MRPS28: variants seen among roughly 807,000 people sequenced by gnomAD.
MRPS28 encodes the protein small ribosomal subunit protein bS1m.
Under a neutral mutation model 10.8 loss-of-function variants are expected in MRPS28, and 7 were observed. That is an observed-to-expected ratio of 0.65 (90% confidence interval 0.37 to 1.22). MRPS28 has a LOEUF of 1.22. MRPS28 is among the 50% of genes most tolerant of loss of function. The probability of loss-of-function intolerance (pLI) is 0.02; values close to 1 mark genes in which losing one functional copy is unlikely to be tolerated. For missense variants in MRPS28, 265 were observed against 232.9 expected (o/e 1.14, Z -0.90); for synonymous variants, 121 against 93.3 (o/e 1.30, Z -1.71).
chr8:80,006,257 T>TA (rs1357766182), intron 1 of MRPS28, among the ~76,000 whole-genome samples: 1 of 152,064 alleles, frequency 6.6e-6, no homozygotes, highest in East Asian at 1.9e-4. Context: ...TCAGCAAATG[T>TA]AAAAAAGAAA....
At chr8:80,018,295 C>CAAAAAAA (rs55883340) in intron 1 of MRPS28, among the ~76,000 whole-genome samples, 1 of 53,062 alleles carries the variant, frequency 1.9e-5, no homozygotes, top group African/African-American at 8.1e-5. Flanking sequence ...TACTCTGTCT[C>CAAAAAAA]AAAAAAAAAA....
At chr8:79,953,888 G>C (rs185090062) in intron 2 of MRPS28, among the ~76,000 whole-genome samples, 48 of 152,290 alleles carry the variant, frequency 3.2e-4, no homozygotes, top group African/African-American at 1.0e-3. Flanking sequence ...AAATTTTTCT[G>C]TGTGTATGCA....
intron 2 of MRPS28, among the ~76,000 whole-genome samples, chr8:79,989,734 A>G (rs149490514): frequency 6.8e-4 from 103 of 152,282 alleles, no homozygotes; most frequent in Admixed American, 1.8e-3. Flanking sequence ...GTTTTTGCTG[A>G]TAAAGGCAGA....
intron 2 of MRPS28, among the ~76,000 whole-genome samples, chr8:79,973,660 T>A (rs1339811170): frequency 6.6e-6 from 1 of 152,008 alleles, no homozygotes; most frequent in Non-Finnish European, 1.5e-5. Context: ...AACTAGTAAG[T>A]GTAAAGTCGA....
At chr8:79,948,754 T>C (rs1484122736) in intron 2 of MRPS28, among the ~76,000 whole-genome samples, 1 of 152,218 alleles carries the variant, frequency 6.6e-6, no homozygotes, top group Non-Finnish European at 1.5e-5. Flanking sequence ...ATTAATATGA[T>C]GAATTACACT....
intron 2 of MRPS28, among the ~76,000 whole-genome samples, chr8:79,998,236 TG>T (rs908076056): frequency 5.3e-5 from 8 of 152,318 alleles, no homozygotes; most frequent in African/African-American, 1.9e-4. Context: ...TGATGTCAAT[TG>T]ATTTGACAAA....
At chr8:79,970,319 C>T (rs2130036056) in intron 2 of MRPS28, among the ~76,000 whole-genome samples, 1 of 152,184 alleles carries the variant, frequency 6.6e-6, no homozygotes. Context: ...TCCAGGGCCC[C>T]AAGACCCCAA....
chr8:79,985,931 C>T (rs1231932504), intron 2 of MRPS28, among the ~76,000 whole-genome samples: 1 of 152,074 alleles, frequency 6.6e-6, no homozygotes, highest in East Asian at 1.9e-4. Context: ...TTTTATGAGG[C>T]CAGCATCATC....
intron 1 of MRPS28, among the ~76,000 whole-genome samples, chr8:80,024,484 T>G (rs1171664706): frequency 2.6e-5 from 4 of 152,166 alleles, no homozygotes; most frequent in African/African-American, 4.8e-5. Flanking sequence ...TGCTCTTGAT[T>G]AAATTCCTGG....
intron 2 of MRPS28, among the ~76,000 whole-genome samples, chr8:79,987,718 C>A (rs1296107648): frequency 2.0e-5 from 3 of 152,170 alleles, no homozygotes; most frequent in Non-Finnish European, 4.4e-5. Flanking sequence ...TAATCAAAAC[C>A]ACAATGAGAT....
At chr8:79,946,116 A>G (rs555271173) in intron 2 of MRPS28, among the ~76,000 whole-genome samples, 20 of 152,308 alleles carry the variant, frequency 1.3e-4, no homozygotes, top group African/African-American at 4.6e-4. Flanking sequence ...AATGCTCCAT[A>G]TAAAATACCA....
intron 2 of MRPS28, among the ~76,000 whole-genome samples, chr8:79,974,310 G>A (rs1375186846): frequency 1.3e-5 from 2 of 152,060 alleles, no homozygotes; most frequent in African/African-American, 4.8e-5. Context: ...GGAGGCCGAG[G>A]TGGATGGATC....
At chr8:79,948,987 T>C (rs1255173879) in intron 2 of MRPS28, among the ~76,000 whole-genome samples, 4 of 152,322 alleles carry the variant, frequency 2.6e-5, no homozygotes, top group African/African-American at 4.8e-5. Flanking sequence ...TATGAGTCAA[T>C]AAAGAGTGGG....
intron 2 of MRPS28, among the ~76,000 whole-genome samples, chr8:79,977,537 C>T (rs944246498): frequency 1.3e-5 from 2 of 152,116 alleles, no homozygotes; most frequent in African/African-American, 4.8e-5. Context: ...AGAATACAGG[C>T]GAAGCACAGT....
intron 2 of MRPS28, among the ~76,000 whole-genome samples, chr8:79,983,924 C>T (rs1158135411): frequency 2.0e-5 from 3 of 152,094 alleles, no homozygotes. Flanking sequence ...ATACAGAAAA[C>T]GCCACAAAGA....
chr8:79,928,439 G>GTA lies in MRPS28; in HGVS notation c.396-9293_396-9292dup, dbSNP rs137936192. On this transcript the variant is annotated intron_variant, in intron 2 of 2. Coordinates refer to ENST00000276585, the MANE Select transcript of MRPS28 (RefSeq NM_014018.3). Reference sequence around the variant, plus strand: ...TTGCCCTTTGCACCCCCAATTTGGAGTATATATATATATATATTTTTTGAG... The same window carrying GTA: ...TTGCCCTTTGCACCCCCAATTTGGAGTATATATATATATATATATTTTTTGAG... Among the ~76,000 whole-genome samples, 397 of 149,326 alleles carry GTA rather than the reference G, an allele frequency of 2.7e-3. 1 individual carries two copies. The highest frequency in any genetic ancestry group is 4.3e-3 in the East Asian group (22 of 5,072).
chr8:80,011,475 T>C (rs993522083), intron 1 of MRPS28, among the ~76,000 whole-genome samples: 2 of 151,884 alleles, frequency 1.3e-5, no homozygotes, highest in Non-Finnish European at 2.9e-5. Context: ...TGACAGGGGC[T>C]AGGCATTGTG....
chr8:79,957,566 A>AAC (rs1554570866), intron 2 of MRPS28, among the ~76,000 whole-genome samples: 11 of 151,510 alleles, frequency 7.3e-5, no homozygotes, highest in Admixed American at 2.0e-4. Context: ...AAAAAAAAAA[A>AAC]ACTTAGTGAG....
chr8:79,928,989 T>G (rs955053243), intron 2 of MRPS28, among the ~76,000 whole-genome samples: 1 of 152,108 alleles, frequency 6.6e-6, no homozygotes, highest in East Asian at 1.9e-4. Flanking sequence ...GAGATTGCAG[T>G]TAGCCGAGAT....
Sources: gnomAD v4.1 joint callset for allele counts (sites outside exome capture counted in the v4.1 genomes callset) on GRCh38, gnomAD v4.1.1 for gene constraint, MANE v1.5 for transcripts, NCBI Gene and HGNC (gene_info 2026-07-23, HGNC 2026-07-21) for gene names.